ADAMTS17: variants seen among roughly 807,000 people sequenced by gnomAD.
ADAMTS17 encodes A disintegrin and metalloproteinase with thrombospondin motifs 17.
ADAMTS17 carries 113 observed loss-of-function variants against 141.5 expected under a neutral mutation model. The observed-to-expected ratio is 0.80, with a 90% confidence interval of 0.69 to 0.93. The LOEUF (loss-of-function observed/expected upper bound fraction) is 0.93, where lower values mean the gene tolerates loss of function less well. Among genes scored for constraint, ADAMTS17 ranks in the 40% least tolerant of loss-of-function variants. ADAMTS17 has a pLI of 0.00. For synonymous variants in ADAMTS17, 768 were observed against 630.6 expected, an observed-to-expected ratio of 1.22 and a Z score of -3.27; for missense variants, 1,659 against 1,517.9, an observed-to-expected ratio of 1.09 and a Z score of -1.54.
intron 12 of ADAMTS17, among the ~76,000 whole-genome samples, chr15:100,127,571 ATT>A (rs2037808170): frequency 6.6e-6 from 1 of 152,020 alleles, no homozygotes; most frequent in Non-Finnish European, 1.5e-5. Context: ...ATGTGATTCT[ATT>A]TTTTGTTTGT....
At chr15:100,206,851 C>A (rs2041589109) in intron 7 of ADAMTS17, among the ~76,000 whole-genome samples, 2 of 152,158 alleles carry the variant, frequency 1.3e-5, no homozygotes, top group South Asian at 4.1e-4. Context: ...AGGTGTGTGC[C>A]TAGAATCCTG....
Position 100,053,964 on chromosome 15 carries a change from T to A in ADAMTS17, c.2228A>T (p.Tyr743Phe), listed in dbSNP as rs1306923972. ...CTTCTCCCACAGCCCCCTTCTCACA[T>A]AGCGAACAGTTGTGCCTGCAATCTG... The part of the protein sequence containing the change: ...EFQIAGTTVR[Y>F]VRRGLWEKIS... Residue 743 changes from tyrosine (Y) to phenylalanine (F), a missense_variant, in exon 16 of 22, where the codon TAT becomes TTT. Physicochemically the swap from Tyr to Phe is conservative, Grantham distance 22 (BLOSUM62 3). Coordinates refer to ENST00000268070, the MANE Select transcript of ADAMTS17 (RefSeq NM_139057.4). 1 of 1,614,140 alleles carries A rather than the reference T, an allele frequency of 6.2e-7. No homozygotes were observed. Among genetic ancestry groups the A allele is most frequent in the Non-Finnish European group, 8.5e-7 (1 of 1,180,016 alleles).
chr15:100,236,816 C>A (rs1462968123), intron 7 of ADAMTS17, among the ~76,000 whole-genome samples: 1 of 152,078 alleles, frequency 6.6e-6, no homozygotes, highest in Non-Finnish European at 1.5e-5. Flanking sequence ...CCAGTCTGGG[C>A]AACAGAGTGA....
chr15:100,223,811 GTGTGTGTATATA>G (rs1025901725), intron 7 of ADAMTS17, among the ~76,000 whole-genome samples: 12 of 151,698 alleles, frequency 7.9e-5, no homozygotes, highest in African/African-American at 1.5e-4. Flanking sequence ...ATATATGTGT[GTGTGTGTATATA>G]TGTGTGTATA....
intron 7 of ADAMTS17, among the ~76,000 whole-genome samples, chr15:100,208,798 G>C (rs1056128027): frequency 2.0e-5 from 3 of 152,136 alleles, no homozygotes; most frequent in African/African-American, 7.2e-5. Flanking sequence ...GAAGAGTCAA[G>C]GTCACTGGAC....
chr15:100,111,205 A>G (rs1469679493), intron 13 of ADAMTS17, among the ~76,000 whole-genome samples: 1 of 152,198 alleles, frequency 6.6e-6, no homozygotes, highest in Non-Finnish European at 1.5e-5. Context: ...GGGGAAAGAC[A>G]GACACGTGAT....
intron 15 of ADAMTS17, among the ~76,000 whole-genome samples, chr15:100,074,905 A>G (rs1374912708): frequency 2.6e-5 from 4 of 152,078 alleles, no homozygotes; most frequent in South Asian, 2.1e-4. Context: ...TTATTTCCCT[A>G]TTCTCTATTA....
chr15:100,053,864 C>T, intron 16 of ADAMTS17, 33 bp downstream of exon 16: 3 of 1,614,116 alleles, frequency 1.9e-6, no homozygotes, highest in Non-Finnish European at 2.5e-6. Context: ...GAGCCACACC[C>T]CCTAAGACAA....
Position 100,155,431 on chromosome 15 carries a change from C to T in ADAMTS17, c.1182-111G>A, listed in dbSNP as rs184001693. The T allele has an allele frequency of 2.0e-4, 294 of 1,469,566 alleles. 1 individual carries two copies. Among genetic ancestry groups the T allele is most frequent in the Non-Finnish European group, 2.5e-4 (270 of 1,081,118 alleles). The allele number at this position is 1,469,566 out of a possible 1,614,324, so 91.0% of individuals were successfully genotyped here. ...ATCAAGTCTTAAAAACAAAAACGGACGTAACGTGAAAGTGGTTCTCACACA... is the reference window on the plus strand; with the variant it reads ...ATCAAGTCTTAAAAACAAAAACGGATGTAACGTGAAAGTGGTTCTCACACA... On this transcript the variant is annotated intron_variant, in intron 8 of 21. Transcript: ENST00000268070.
intron 7 of ADAMTS17, among the ~76,000 whole-genome samples, chr15:100,206,328 T>A (rs899942): frequency 0.48 from 72,928 of 152,042 alleles, 17,994 homozygotes; most frequent in South Asian, 0.61. Context: ...GTGTGTGCAC[T>A]TGAGTGTACG....
intron 9 of ADAMTS17, among the ~76,000 whole-genome samples, chr15:100,154,660 C>T (rs1002980999): frequency 1.3e-5 from 2 of 152,172 alleles, no homozygotes; most frequent in African/African-American, 4.8e-5. Flanking sequence ...GCAGATTCTT[C>T]CACAGAAATC....
At chr15:100,282,432 TA>T in intron 3 of ADAMTS17, among the ~76,000 whole-genome samples, 1 of 152,332 alleles carries the variant, frequency 6.6e-6, no homozygotes, top group Middle Eastern at 3.4e-3. Context: ...GCCCTACATC[TA>T]CTAGACTATG....
chr15:100,132,164 C>A lies in ADAMTS17; in HGVS notation c.1576-12G>T, dbSNP rs375173216. ...CCCGCGCGGCACCACTGAAACACAG[C>A]GGGGAGGGTCGGGGCCCAGGCACTC... On this transcript the variant is annotated splice_polypyrimidine_tract_variant and intron_variant, in intron 11 of 21. Coordinates refer to ENST00000268070, the MANE Select transcript of ADAMTS17 (RefSeq NM_139057.4). The A allele has an allele frequency of 2.0e-5, 33 of 1,611,506 alleles. No individual in the cohort carries two copies. The East Asian group carries it at 4.9e-4, about 24-fold the overall frequency.
intron 8 of ADAMTS17, among the ~76,000 whole-genome samples, chr15:100,161,273 T>C (rs75756155): frequency 6.8e-4 from 104 of 152,394 alleles, no homozygotes; most frequent in African/African-American, 2.4e-3. Flanking sequence ...GTAGGTGTTC[T>C]AGACGGAACC....
intron 16 of ADAMTS17, among the ~76,000 whole-genome samples, chr15:100,052,604 T>G (rs1381601716): frequency 6.6e-6 from 1 of 152,212 alleles, no homozygotes; most frequent in Non-Finnish European, 1.5e-5. Flanking sequence ...AAGCAAATTC[T>G]CATGCTAACA....
chr15:100,063,287 T>C (rs890752491), intron 15 of ADAMTS17, among the ~76,000 whole-genome samples: 1 of 152,226 alleles, frequency 6.6e-6, no homozygotes, highest in African/African-American at 2.4e-5. Flanking sequence ...CCAGAGCCAC[T>C]GGCAGCCCAA....
intron 7 of ADAMTS17, among the ~76,000 whole-genome samples, chr15:100,238,150 C>T (rs555965065): frequency 6.6e-6 from 1 of 152,232 alleles, no homozygotes; most frequent in Non-Finnish European, 1.5e-5. Context: ...AACCTCAACA[C>T]TTCTAATGGC....
At chr15:100,080,191 G>C (rs2034639423) in intron 15 of ADAMTS17, among the ~76,000 whole-genome samples, 1 of 152,114 alleles carries the variant, frequency 6.6e-6, no homozygotes, top group Non-Finnish European at 1.5e-5. Flanking sequence ...TGCTGGCCTG[G>C]AGATCTTAGT....
chr15:100,020,095 C>A (rs2061374850), intron 18 of ADAMTS17, among the ~76,000 whole-genome samples: 1 of 152,158 alleles, frequency 6.6e-6, no homozygotes, highest in South Asian at 2.1e-4. Flanking sequence ...AAGTCCTGAA[C>A]CAAGTAGGCT....
Sources: allele counts gnomAD v4.1 joint callset (sites outside exome capture counted in the v4.1 genomes callset), GRCh38; gene constraint gnomAD v4.1.1; transcripts MANE v1.5; gene names NCBI Gene and HGNC (gene_info 2026-07-23, HGNC 2026-07-21).